The following FSTL5 variants were observed in gnomAD, a reference collection of about 807,000 sequenced individuals.
The protein encoded by FSTL5 is follistatin like 5, also known as follistatin-related protein 5.
FSTL5 carries 62 observed loss-of-function variants against 89.1 expected under a neutral mutation model. The ratio of observed to expected loss-of-function variants is 0.70; its 90% CI spans 0.57 to 0.86. The LOEUF (loss-of-function observed/expected upper bound fraction) is 0.86. Among genes scored for constraint, FSTL5 ranks in the 40% least tolerant of loss-of-function variants. The pLI is 0.00. For synonymous variants in FSTL5, 383 were observed against 346.2 expected (o/e 1.11, Z -1.18); for missense variants, 1,057 against 1,001.6 (o/e 1.06, Z -0.75).
intron 2 of FSTL5, among the ~76,000 whole-genome samples, chr4:162,110,978 T>C (rs1342375157): frequency 6.6e-6 from 1 of 151,986 alleles, no homozygotes; most frequent in East Asian, 1.9e-4. Context: ...ATCTGGTAGA[T>C]TGGGTTTCAT....
intron 4 of FSTL5, among the ~76,000 whole-genome samples, chr4:161,877,307 C>T (rs1006951758): frequency 6.7e-5 from 10 of 148,926 alleles, no homozygotes; most frequent in Non-Finnish European, 1.5e-4. Flanking sequence ...TATGATAATA[C>T]AAAAATTACT....
chr4:162,135,112 T>A, intron 1 of FSTL5, among the ~76,000 whole-genome samples: 1 of 152,174 alleles, frequency 6.6e-6, no homozygotes, highest in Non-Finnish European at 1.5e-5. Flanking sequence ...AGTTCTCCAC[T>A]TAATTAGCTC....
intron 4 of FSTL5, among the ~76,000 whole-genome samples, chr4:161,795,036 C>T (rs1385009245): frequency 6.6e-6 from 1 of 151,640 alleles, no homozygotes; most frequent in East Asian, 1.9e-4. Flanking sequence ...ATTTTTAGTG[C>T]TTATCTGAGT....
At chr4:162,119,460 C>A (rs2111428893) in intron 1 of FSTL5, among the ~76,000 whole-genome samples, 1 of 152,270 alleles carries the variant, frequency 6.6e-6, no homozygotes, top group South Asian at 2.1e-4. Context: ...ATGTAAAAGG[C>A]CTTCCAAATC....
At chr4:161,613,607 A>C (rs139203685) in intron 7 of FSTL5, among the ~76,000 whole-genome samples, 1 of 152,140 alleles carries the variant, frequency 6.6e-6, no homozygotes, top group African/African-American at 2.4e-5. Context: ...AAAATCTCCA[A>C]TGACTTCTTC....
intron 15 of FSTL5, among the ~76,000 whole-genome samples, chr4:161,409,167 G>A (rs746275755): frequency 6.6e-6 from 1 of 152,050 alleles, no homozygotes; most frequent in Non-Finnish European, 1.5e-5. Flanking sequence ...TAGAGAGAAA[G>A]GCTAGGAGAC....
At chr4:162,120,725 C>T (rs1731822621) in intron 1 of FSTL5, among the ~76,000 whole-genome samples, 1 of 151,928 alleles carries the variant, frequency 6.6e-6, no homozygotes, top group African/African-American at 2.4e-5. Flanking sequence ...TACAGCTGTC[C>T]TTATTCCTAG....
chr4:161,900,651 AAAAAAAAGAAAG>A (rs1341696558), intron 4 of FSTL5, among the ~76,000 whole-genome samples: 3 of 134,828 alleles, frequency 2.2e-5, no homozygotes, highest in African/African-American at 5.5e-5. Context: ...AAAAAAAAAA[AAAAAAAAGAAAG>A]AAAGAAAGAA....
At chr4:161,891,261 T>G (rs1003850064) in intron 4 of FSTL5, among the ~76,000 whole-genome samples, 1 of 152,132 alleles carries the variant, frequency 6.6e-6, no homozygotes, top group African/African-American at 2.4e-5. Flanking sequence ...CTGAGGAAAT[T>G]TGCTCCTTAT....
intron 6 of FSTL5, among the ~76,000 whole-genome samples, chr4:161,721,135 G>A (rs551738208): frequency 1.6e-4 from 25 of 151,588 alleles, no homozygotes; most frequent in South Asian, 6.2e-4. Context: ...AAAATTAGCC[G>A]GGCGCGGTGG....
At chr4:161,683,765 A>T (rs1208323551) in intron 6 of FSTL5, among the ~76,000 whole-genome samples, 1 of 152,116 alleles carries the variant, frequency 6.6e-6, no homozygotes. Flanking sequence ...TTATTTCCAT[A>T]GGTTATTGGG....
intron 4 of FSTL5, among the ~76,000 whole-genome samples, chr4:161,838,000 T>A: frequency 6.6e-6 from 1 of 152,322 alleles, no homozygotes; most frequent in South Asian, 2.1e-4. Flanking sequence ...AACAGCTGAC[T>A]TTACTGTATT....
chr4:161,473,801 A>T (rs968188061), intron 13 of FSTL5, among the ~76,000 whole-genome samples: 4 of 152,152 alleles, frequency 2.6e-5, no homozygotes, highest in African/African-American at 7.2e-5. Flanking sequence ...TACTCAGTGC[A>T]TGGACTATCC....
chr4:162,100,357 G>T (rs569665265), intron 2 of FSTL5, among the ~76,000 whole-genome samples: 46 of 152,060 alleles, frequency 3.0e-4, no homozygotes, highest in Non-Finnish European at 6.0e-4. Flanking sequence ...TCAGGAGATC[G>T]AGACCATCCT....
rs551803162 is a variant in FSTL5, at chr4:161,681,289, G to GA, written c.728-24796dup. The stretch of plus-strand genomic sequence containing the variant: ...CTCTGCTATAAAAGGGAAATCAAAA[G>GA]AAAAAACTACATCACTGAAAAACTG... On this transcript the variant is annotated intron_variant, in intron 6 of 15. Coordinates refer to ENST00000306100, the MANE Select transcript of FSTL5 (RefSeq NM_020116.5). 4.2e-4 allele frequency among the ~76,000 whole-genome samples: 64 copies of GA among 151,984 alleles called. 1 individual carries two copies. In the South Asian group the frequency reaches 0.013, roughly 31 times the overall value.
chr4:161,391,852 T>A (rs950664653), intron 15 of FSTL5, among the ~76,000 whole-genome samples: 33 of 152,362 alleles, frequency 2.2e-4, no homozygotes, highest in Non-Finnish European at 3.7e-4. Context: ...TGAAGTTTTC[T>A]GTTTCCAAAG....
In FSTL5 at chr4:161,761,997, T is replaced by G. The variant is rs528356985; in HGVS notation, c.607-2466A>C. On this transcript the variant is annotated intron_variant, in intron 5 of 15. Coordinates refer to ENST00000306100, the MANE Select transcript of FSTL5 (RefSeq NM_020116.5). ...TGGTGTTTACTAATGAGGGAGGTAC[T>G]TTCCTATGACTTTTCTTCTTTTCTG... Among the ~76,000 whole-genome samples the G allele has an allele frequency of 1.3e-4, 20 of 152,316 alleles. No homozygotes were observed. The East Asian group carries it at 3.5e-3, about 26-fold the overall frequency.
chr4:161,857,039 A>G (rs1325017228), intron 4 of FSTL5, among the ~76,000 whole-genome samples: 1 of 152,186 alleles, frequency 6.6e-6, no homozygotes, highest in Non-Finnish European at 1.5e-5. Flanking sequence ...TATTGTGTGA[A>G]GCTTGGAATT....
intron 2 of FSTL5, among the ~76,000 whole-genome samples, chr4:162,070,608 G>A (rs1215360312): frequency 9.2e-5 from 14 of 151,826 alleles, no homozygotes; most frequent in Admixed American, 2.0e-4. Context: ...TGAAGAGGCT[G>A]TTATTTCTCC....
Sources: allele counts gnomAD v4.1 joint callset (sites outside exome capture counted in the v4.1 genomes callset), GRCh38; gene constraint gnomAD v4.1.1; transcripts MANE v1.5; gene names NCBI Gene and HGNC (gene_info 2026-07-23, HGNC 2026-07-21).